Variants in SDK1 observed in about 807,000 individuals in gnomAD.
SDK1 encodes sidekick cell adhesion molecule 1, also known as protein sidekick-1.
In SDK1, 157 loss-of-function variants were observed where a neutral mutation model predicts 245.5. The ratio of observed to expected loss-of-function variants is 0.64; its 90% CI spans 0.56 to 0.73. The LOEUF is 0.73. Among genes scored for constraint, SDK1 ranks in the 30% least tolerant of loss-of-function variants. The pLI is 0.00. For synonymous variants in SDK1, 1,647 were observed against 1,278.5 expected (o/e 1.29, Z -6.15); for missense variants, 3,583 against 3,002.3 (o/e 1.19, Z -4.52).
chr7:3,622,495 T>A (rs778386568), intron 2 of SDK1, among the ~76,000 whole-genome samples: 114 of 152,080 alleles, frequency 7.5e-4, no homozygotes, highest in East Asian at 1.5e-3. Flanking sequence ...AACAAAATTT[T>A]AAAAAAATGG....
At chr7:4,041,530 G>A (rs1788636098) in intron 17 of SDK1, among the ~76,000 whole-genome samples, 1 of 152,186 alleles carries the variant, frequency 6.6e-6, no homozygotes, top group African/African-American at 2.4e-5. Context: ...GAAGCATATG[G>A]TGACATGTAT....
chr7:3,957,417 A>C (rs117922761), intron 7 of SDK1, among the ~76,000 whole-genome samples: 2 of 152,226 alleles, frequency 1.3e-5, no homozygotes, highest in Admixed American at 1.3e-4. Context: ...TGAAGGGTCC[A>C]TGAGCTCTTT....
intron 1 of SDK1, among the ~76,000 whole-genome samples, chr7:3,618,449 G>A (rs768714006): frequency 1.3e-5 from 2 of 152,066 alleles, no homozygotes; most frequent in African/African-American, 4.8e-5. Flanking sequence ...TCTTTCACTC[G>A]GCTTGATGTG....
chr7:4,113,469 G>T, intron 24 of SDK1, 30 bp downstream of exon 24: 2 of 1,611,260 alleles, frequency 1.2e-6, no homozygotes, highest in Non-Finnish European at 1.7e-6. Flanking sequence ...GAGGCTGGAG[G>T]CACACGGGTC....
intron 17 of SDK1, among the ~76,000 whole-genome samples, chr7:4,047,012 C>T (rs963479484): frequency 1.3e-5 from 2 of 152,128 alleles, no homozygotes; most frequent in Admixed American, 1.3e-4. Flanking sequence ...TGGTTTCCTT[C>T]ATTCGTGTTT....
intron 29 of SDK1, among the ~76,000 whole-genome samples, chr7:4,146,458 C>G (rs1172356938): frequency 6.6e-6 from 1 of 152,112 alleles, no homozygotes; most frequent in Non-Finnish European, 1.5e-5. Context: ...GCATAACACA[C>G]TTTCAGCCTC....
At chr7:3,439,408 C>G (rs528116938) in intron 1 of SDK1, among the ~76,000 whole-genome samples, 1 of 152,168 alleles carries the variant, frequency 6.6e-6, no homozygotes, top group African/African-American at 2.4e-5. Context: ...GCGCTCCTTA[C>G]AAGCCTCTAG....
chr7:3,841,752 G>A (rs1455589025), intron 5 of SDK1, among the ~76,000 whole-genome samples: 1 of 151,914 alleles, frequency 6.6e-6, no homozygotes, highest in Admixed American at 6.6e-5. Context: ...TAATAGAGAT[G>A]GGGTTTCACT....
At position 4,192,981 on chromosome 7, in the gene SDK1, A is replaced by T. The variant is rs543757824; in HGVS notation, c.5099-12898A>T. ...GTATTAGGATTCTCTAGAGGGACAG[A>T]ACCAATAGGCTATATATAAATATAT... On this transcript the variant is annotated intron_variant, in intron 35 of 44. Coordinates refer to ENST00000404826, the MANE Select transcript of SDK1 (RefSeq NM_152744.4). Among the ~76,000 whole-genome samples, 3 of 147,750 alleles carry T rather than the reference A, an allele frequency of 2.0e-5. No individual in the cohort carries two copies. The East Asian group carries it at 5.8e-4, about 29-fold the overall frequency.
chr7:3,902,521 T>G (rs1359513367), intron 5 of SDK1, among the ~76,000 whole-genome samples: 1 of 152,234 alleles, frequency 6.6e-6, no homozygotes, highest in Non-Finnish European at 1.5e-5. Context: ...AGTTCTAAAC[T>G]TTCTTGCCTT....
intron 4 of SDK1, among the ~76,000 whole-genome samples, chr7:3,782,805 A>T (rs1780784332): frequency 6.6e-6 from 1 of 152,248 alleles, no homozygotes; most frequent in African/African-American, 2.4e-5. Flanking sequence ...GCATTATTGT[A>T]AAGTTGAAAA....
chr7:3,688,483 C>A lies in SDK1; in HGVS notation c.713+46378C>A, dbSNP rs939304791. 3.3e-5 allele frequency among the ~76,000 whole-genome samples: 5 copies of A among 152,216 alleles called. 1 individual carries two copies. The highest frequency in any genetic ancestry group is 1.2e-4 in the African/African-American group (5 of 41,456). Reference sequence around the variant, plus strand: ...TAAAGAATAAATGAGATAATTAACACAAAGCACTTCATAAATGCTCTACAA... The same window carrying A: ...TAAAGAATAAATGAGATAATTAACAAAAAGCACTTCATAAATGCTCTACAA... On this transcript the variant is annotated intron_variant, in intron 4 of 44. Coordinates refer to ENST00000404826, the MANE Select transcript of SDK1 (RefSeq NM_152744.4).
chr7:4,247,559 G>A (rs553808711), intron 44 of SDK1, among the ~76,000 whole-genome samples: 2 of 152,362 alleles, frequency 1.3e-5, no homozygotes, highest in African/African-American at 4.8e-5. Flanking sequence ...AGTCTGGTCA[G>A]CAAAGAGGCT....
intron 5 of SDK1, among the ~76,000 whole-genome samples, chr7:3,865,822 T>A (rs1780807685): frequency 6.6e-6 from 1 of 152,002 alleles, no homozygotes; most frequent in Non-Finnish European, 1.5e-5. Context: ...AACCCATCAG[T>A]TTTATGGATT....
At chr7:4,017,399 A>G in intron 17 of SDK1, 47 bp downstream of exon 17, 1 of 1,543,814 alleles carries the variant, frequency 6.5e-7, no homozygotes, top group Non-Finnish European at 8.8e-7. Flanking sequence ...TTTGCCGGGG[A>G]ATGGGATTTG....
intron 4 of SDK1, among the ~76,000 whole-genome samples, chr7:3,721,087 G>T (rs956039741): frequency 7.9e-5 from 12 of 152,180 alleles, no homozygotes; most frequent in African/African-American, 2.7e-4. Flanking sequence ...ATCTTTTGTT[G>T]CCAGGAGTTA....
chr7:3,352,700 A>C (rs6978381), intron 1 of SDK1, among the ~76,000 whole-genome samples: 36,120 of 152,108 alleles, frequency 0.24, 4,700 homozygotes, highest in East Asian at 0.38. Context: ...CCATTCCTGA[A>C]GGAAAAAGAG....
intron 1 of SDK1, among the ~76,000 whole-genome samples, chr7:3,614,817 T>TGGTCTGTCACCC (rs1554297875): frequency 3.3e-5 from 5 of 151,926 alleles, no homozygotes; most frequent in Non-Finnish European, 4.4e-5. Context: ...CCCTTCTCCT[T>TGGTCTGTCACCC]ATAATGAATG....
At chr7:4,061,867 T>G (rs1405367998) in intron 19 of SDK1, among the ~76,000 whole-genome samples, 3 of 150,906 alleles carry the variant, frequency 2.0e-5, no homozygotes, top group Non-Finnish European at 4.4e-5. Context: ...TCATTCTCAG[T>G]AAACTATCGC....
Sources: allele counts gnomAD v4.1 joint callset (sites outside exome capture counted in the v4.1 genomes callset), GRCh38; gene constraint gnomAD v4.1.1; transcripts MANE v1.5; gene names NCBI Gene and HGNC (gene_info 2026-07-23, HGNC 2026-07-21).